Variants in ZHX2 observed in about 807,000 individuals in gnomAD.
ZHX2 encodes zinc fingers and homeoboxes protein 2.
Under a neutral mutation model 21.9 loss-of-function variants are expected in ZHX2, and 6 were observed. That is an observed-to-expected ratio of 0.27 (90% CI 0.15 to 0.54). The LOEUF is 0.54. ZHX2 is among the 20% of genes least tolerant of loss of function. The pLI is 0.95. For missense variants in ZHX2, 908 were observed against 1,090.7 expected, an observed-to-expected ratio of 0.83 and a Z score of 2.36; for synonymous variants, 434 against 437.1, an observed-to-expected ratio of 0.99 and a Z score of 0.09.
chr8:122,880,900 G>A (rs189817182), intron 2 of ZHX2, among the ~76,000 whole-genome samples: 4 of 152,174 alleles, frequency 2.6e-5, no homozygotes, highest in East Asian at 1.9e-4. Context: ...CCAATCGCCC[G>A]ATCACTTTGA....
chr8:122,900,428 T>G (rs1170097976), intron 2 of ZHX2, among the ~76,000 whole-genome samples: 3 of 152,132 alleles, frequency 2.0e-5, no homozygotes, highest in African/African-American at 7.2e-5. Context: ...GGGAGGACAT[T>G]AATCTATTTA....
intron 3 of ZHX2, among the ~76,000 whole-genome samples, chr8:122,964,291 G>A (rs1813526315): frequency 6.6e-6 from 1 of 152,086 alleles, no homozygotes; most frequent in Admixed American, 6.5e-5. Flanking sequence ...TGTCATAGAT[G>A]GCTTTTATTA....
At chr8:122,867,192 A>G (rs1819321495) in intron 2 of ZHX2, among the ~76,000 whole-genome samples, 1 of 152,162 alleles carries the variant, frequency 6.6e-6, no homozygotes, top group South Asian at 2.1e-4. Flanking sequence ...GTCTTATATC[A>G]GCAATCTTGT....
intron 2 of ZHX2, among the ~76,000 whole-genome samples, chr8:122,902,734 C>A (rs547484188): frequency 6.6e-6 from 1 of 152,284 alleles, no homozygotes; most frequent in African/African-American, 2.4e-5. Flanking sequence ...CTAGGAAATG[C>A]CTAGCCCAGT....
At chr8:122,915,815 C>A (rs1448617645) in intron 2 of ZHX2, among the ~76,000 whole-genome samples, 1 of 152,236 alleles carries the variant, frequency 6.6e-6, no homozygotes, top group East Asian at 1.9e-4. Flanking sequence ...GTGCTGGGAA[C>A]TCTTCCCCAC....
chr8:122,931,455 A>G (rs747565037), intron 2 of ZHX2, among the ~76,000 whole-genome samples: 2 of 152,224 alleles, frequency 1.3e-5, no homozygotes, highest in African/African-American at 4.8e-5. Flanking sequence ...GCCTTATGTC[A>G]TCTGATCCTC....
chr8:122,884,283 G>A (rs548482687), intron 2 of ZHX2, among the ~76,000 whole-genome samples: 3 of 152,178 alleles, frequency 2.0e-5, no homozygotes, highest in Non-Finnish European at 2.9e-5. Flanking sequence ...ATATGGCTCC[G>A]TTCAGTCGGA....
intron 2 of ZHX2, among the ~76,000 whole-genome samples, chr8:122,937,431 C>A (rs1812724924): frequency 6.6e-6 from 1 of 152,120 alleles, no homozygotes; most frequent in Admixed American, 6.5e-5. Context: ...TATGTGAGAA[C>A]CCCCACTCCT....
chr8:122,964,363 G>A lies in ZHX2; in HGVS notation c.*5-8879G>A, dbSNP rs188060035. On this transcript the variant is annotated intron_variant, in intron 3 of 3. Coordinates refer to ENST00000314393, the MANE Select transcript of ZHX2 (RefSeq NM_014943.5). ...GGGTTTTAATCATATAGGGATGCTG[G>A]ATTTTGTCAAATGCTTTTTCTGCAT... is the stretch of plus-strand genomic sequence containing the variant. Among the ~76,000 whole-genome samples the A allele has an allele frequency of 3.3e-3, 508 of 152,060 alleles. 4 individuals are homozygous for A. The highest frequency in any genetic ancestry group is 0.01 in the Middle Eastern group (3 of 294).
intron 2 of ZHX2, among the ~76,000 whole-genome samples, chr8:122,948,023 T>G (rs117483268): frequency 0.014 from 2,148 of 152,176 alleles, 46 homozygotes; most frequent in Admixed American, 0.057. Context: ...TCCACCCCAC[T>G]GCTGATGAAT....
chr8:122,823,324 T>A (rs1223459037), intron 1 of ZHX2, among the ~76,000 whole-genome samples: 2 of 152,228 alleles, frequency 1.3e-5, no homozygotes, highest in Non-Finnish European at 2.9e-5. Context: ...TGTGAAAAAC[T>A]AGCATCTGCT....
At chr8:122,906,344 C>T (rs935844349) in intron 2 of ZHX2, among the ~76,000 whole-genome samples, 1 of 152,268 alleles carries the variant, frequency 6.6e-6, no homozygotes, top group African/African-American at 2.4e-5. Context: ...TATGAGAAAT[C>T]GGAGATAACC....
At chr8:122,807,527 A>G (rs958290917) in intron 1 of ZHX2, among the ~76,000 whole-genome samples, 1 of 152,200 alleles carries the variant, frequency 6.6e-6, no homozygotes, top group Non-Finnish European at 1.5e-5. Flanking sequence ...GGAGAATTTA[A>G]CACTCTGCCT....
chr8:122,821,532 TAAAA>T (rs775665251), intron 1 of ZHX2, among the ~76,000 whole-genome samples: 1 of 136,110 alleles, frequency 7.3e-6, no homozygotes. Context: ...ATCAAACACT[TAAAA>T]AAAAAAAAAA....
chr8:122,827,762 G>C (rs1219182145), intron 1 of ZHX2, among the ~76,000 whole-genome samples: 3 of 152,180 alleles, frequency 2.0e-5, no homozygotes, highest in Non-Finnish European at 4.4e-5. Context: ...AGTAGTTGCA[G>C]TGAAAAAACC....
intron 3 of ZHX2, among the ~76,000 whole-genome samples, chr8:122,962,084 C>CA (rs972516177): frequency 3.3e-5 from 5 of 152,184 alleles, no homozygotes; most frequent in African/African-American, 1.2e-4. Flanking sequence ...CAGGCCTGCT[C>CA]AGGCACTGTG....
chr8:122,961,349 T>C (rs984880343), intron 3 of ZHX2, among the ~76,000 whole-genome samples: 2 of 152,230 alleles, frequency 1.3e-5, no homozygotes, highest in African/African-American at 4.8e-5. Context: ...TACAGTCACC[T>C]TAGAGATTAC....
intron 1 of ZHX2, among the ~76,000 whole-genome samples, chr8:122,816,104 A>T (rs1052616938): frequency 2.7e-5 from 4 of 147,686 alleles, no homozygotes; most frequent in Non-Finnish European, 6.0e-5. Flanking sequence ...AAAAAGGGAG[A>T]TTGCCATAGC....
chr8:122,855,636 C>A (rs567122027), intron 1 of ZHX2, among the ~76,000 whole-genome samples: 1 of 151,828 alleles, frequency 6.6e-6, no homozygotes, highest in African/African-American at 2.4e-5. Context: ...TACATTTATG[C>A]GCTCACACAC....
Sources: allele counts gnomAD v4.1 joint callset (sites outside exome capture counted in the v4.1 genomes callset), GRCh38; gene constraint gnomAD v4.1.1; transcripts MANE v1.5; gene names NCBI Gene and HGNC (gene_info 2026-07-23, HGNC 2026-07-21).